Variants in SGCD observed in about 807,000 individuals in gnomAD.
SGCD encodes the protein delta-sarcoglycan.
In SGCD, 18 loss-of-function variants were observed where a neutral mutation model predicts 36.6. The observed-to-expected ratio is 0.49, with a 90% CI of 0.34 to 0.73. The LOEUF (loss-of-function observed/expected upper bound fraction) is 0.73. SGCD is among the 30% of genes least tolerant of loss of function. The probability of loss-of-function intolerance (pLI) is 0.01; values close to 1 mark genes in which losing one functional copy is unlikely to be tolerated. For missense variants in SGCD, 387 were observed against 346.7 expected, an observed-to-expected ratio of 1.12 and a Z score of -0.92; for synonymous variants, 133 against 130.6, an observed-to-expected ratio of 1.02 and a Z score of -0.12.
At chr5:156,645,014 C>T (rs1053433043) in intron 6 of SGCD, among the ~76,000 whole-genome samples, 18 of 151,566 alleles carry the variant, frequency 1.2e-4, no homozygotes, top group Non-Finnish European at 2.2e-4. Flanking sequence ...ATTCAGAACA[C>T]TTTAGATAGA....
At chr5:156,054,361 C>T (rs192550873) in intron 1 of SGCD, among the ~76,000 whole-genome samples, 1,475 of 140,424 alleles carry the variant, frequency 0.011, 102 homozygotes, top group African/African-American at 0.037. Flanking sequence ...TCTCGGCTCA[C>T]GGCAAGCTCC....
chr5:155,947,983 G>C (rs1757473137), intron 1 of SGCD, among the ~76,000 whole-genome samples: 1 of 152,084 alleles, frequency 6.6e-6, no homozygotes, highest in Non-Finnish European at 1.5e-5. Flanking sequence ...TTCATCATAT[G>C]TTTAAAGTTC....
chr5:156,520,410 G>T (rs1757350074), intron 4 of SGCD, among the ~76,000 whole-genome samples: 1 of 152,160 alleles, frequency 6.6e-6, no homozygotes, highest in Non-Finnish European at 1.5e-5. Flanking sequence ...TGAATAGGAA[G>T]AATCAATATT....
At chr5:155,994,103 A>T (rs934275888) in intron 1 of SGCD, among the ~76,000 whole-genome samples, 1 of 152,196 alleles carries the variant, frequency 6.6e-6, no homozygotes, top group Admixed American at 6.5e-5. Context: ...TAGACAGAAT[A>T]CAGCAGAAAG....
At chr5:156,022,336 C>T (rs1759124074) in intron 1 of SGCD, among the ~76,000 whole-genome samples, 2 of 152,246 alleles carry the variant, frequency 1.3e-5, no homozygotes, top group South Asian at 2.1e-4. Flanking sequence ...ACGAGCTCAC[C>T]TTTAAAACAG....
chr5:156,208,632 T>G (rs1473270369), intron 3 of SGCD, among the ~76,000 whole-genome samples: 1 of 152,218 alleles, frequency 6.6e-6, no homozygotes, highest in Non-Finnish European at 1.5e-5. Flanking sequence ...ATAATCACAA[T>G]GTGCCTTAAA....
rs1214963597 is a variant in SGCD, at chr5:156,764,071, G to A, written c.*4681G>A. The A allele has an allele frequency of 1.3e-5, 2 of 152,158 alleles. No homozygotes were observed. The highest frequency in any genetic ancestry group is 2.9e-5 in the Non-Finnish European group (2 of 68,024). The allele number at this position is 152,158 out of a possible 1,614,324, so 9.4% of individuals were successfully genotyped here. A position where few individuals can be genotyped will look rare whatever the true frequency, so the allele number is the denominator to read the frequency against. On this transcript the variant is annotated 3_prime_UTR_variant, in exon 9 of 9. Transcript: ENST00000337851. ...TTCCCCCTGTCCCAAGAAATCTTAG[G>A]CATGAAAAGGATAAGGAAACAGCTC...
At chr5:155,971,955 A>G (rs1758015019) in intron 1 of SGCD, among the ~76,000 whole-genome samples, 1 of 152,114 alleles carries the variant, frequency 6.6e-6, no homozygotes, top group Non-Finnish European at 1.5e-5. Flanking sequence ...TTTAAAAAGC[A>G]CTCTTCTAAA....
intron 3 of SGCD, among the ~76,000 whole-genome samples, chr5:156,277,210 C>T (rs1220470850): frequency 6.6e-6 from 1 of 152,146 alleles, no homozygotes; most frequent in Non-Finnish European, 1.5e-5. Flanking sequence ...TGTCCCTCTG[C>T]CCCAGGAGGA....
At chr5:156,095,595 T>C (rs1761355746) in intron 1 of SGCD, among the ~76,000 whole-genome samples, 1 of 152,108 alleles carries the variant, frequency 6.6e-6, no homozygotes. Flanking sequence ...TTAGACAGGG[T>C]TACCCATTCA....
chr5:156,200,248 T>C (rs1295784325), intron 3 of SGCD, among the ~76,000 whole-genome samples: 1 of 152,038 alleles, frequency 6.6e-6, no homozygotes. Context: ...GGACCTTCTC[T>C]TCCTTGCTTC....
intron 1 of SGCD, among the ~76,000 whole-genome samples, chr5:155,967,262 T>C (rs111869278): frequency 2.0e-3 from 302 of 152,100 alleles, no homozygotes; most frequent in Non-Finnish European, 3.6e-3. Flanking sequence ...GGTCCACTCA[T>C]CATCTTGAGC....
chr5:156,459,763 A>T (rs1340442535), intron 3 of SGCD, among the ~76,000 whole-genome samples: 1 of 152,188 alleles, frequency 6.6e-6, no homozygotes, highest in Admixed American at 6.5e-5. Context: ...AACTAAACTG[A>T]TGTGTAAAGT....
chr5:155,874,316 A>G (rs148332983), intron 1 of SGCD, among the ~76,000 whole-genome samples: 8 of 152,286 alleles, frequency 5.3e-5, no homozygotes, highest in African/African-American at 1.9e-4. Context: ...AACAGAAACA[A>G]ATGGATTTCT....
intron 1 of SGCD, among the ~76,000 whole-genome samples, chr5:155,974,387 T>C (rs537664239): frequency 1.1e-4 from 17 of 151,998 alleles, no homozygotes; most frequent in Non-Finnish European, 2.9e-5. Context: ...AAGAGTGAGG[T>C]ATGGGAGCAT....
intron 1 of SGCD, among the ~76,000 whole-genome samples, chr5:155,960,349 C>T (rs1341080947): frequency 1.3e-5 from 2 of 152,070 alleles, no homozygotes; most frequent in African/African-American, 4.8e-5. Context: ...CTGGGTTGCT[C>T]ACCCACATCA....
intron 3 of SGCD, among the ~76,000 whole-genome samples, chr5:156,418,088 T>C (rs1367975918): frequency 2.0e-5 from 3 of 148,800 alleles, no homozygotes; most frequent in Admixed American, 6.6e-5. Context: ...GATTTTCAGA[T>C]GGAGAAGCTG....
chr5:156,095,192 T>C (rs1325647675), intron 1 of SGCD, among the ~76,000 whole-genome samples: 2 of 152,124 alleles, frequency 1.3e-5, no homozygotes, highest in African/African-American at 4.8e-5. Flanking sequence ...TGTAAAATAA[T>C]GTTGTTTGCA....
chr5:155,806,842 C>T, the SGCD span, among the ~76,000 whole-genome samples: 16 of 152,000 alleles, frequency 1.1e-4, no homozygotes, highest in Non-Finnish European at 1.6e-4. Context: ...CACTTATAAG[C>T]GATCTGATTA....
Sources: gnomAD v4.1 joint callset for allele counts (sites outside exome capture counted in the v4.1 genomes callset) on GRCh38, gnomAD v4.1.1 for gene constraint, MANE v1.5 for transcripts, NCBI Gene and HGNC (gene_info 2026-07-23, HGNC 2026-07-21) for gene names.